Variants in SPOCK1 observed in about 807,000 individuals in gnomAD.
SPOCK1 encodes testican-1.
SPOCK1 carries 23 observed loss-of-function variants against 55.3 expected under a neutral mutation model. The observed-to-expected ratio is 0.42, with a 90% CI of 0.30 to 0.59. The LOEUF is 0.59. Among genes scored for constraint, SPOCK1 ranks in the 20% least tolerant of loss-of-function variants. The pLI is 0.22. For missense variants in SPOCK1, 499 were observed against 552.5 expected (o/e 0.90, Z 0.97); for synonymous variants, 226 against 221.0 (o/e 1.02, Z -0.20).
intron 5 of SPOCK1, among the ~76,000 whole-genome samples, chr5:137,083,788 A>G (rs539676658): frequency 3.0e-4 from 45 of 152,174 alleles, no homozygotes; most frequent in Middle Eastern, 3.4e-3. Flanking sequence ...GGGAATGGGC[A>G]TTCCTAAAGC....
intron 3 of SPOCK1, among the ~76,000 whole-genome samples, chr5:137,266,014 A>G (rs1756842501): frequency 6.6e-6 from 1 of 152,216 alleles, no homozygotes; most frequent in African/African-American, 2.4e-5. Flanking sequence ...AAAGCCTATG[A>G]TAAATGTATA....
chr5:137,403,937 C>A (rs1007006320), intron 2 of SPOCK1, among the ~76,000 whole-genome samples: 4 of 152,110 alleles, frequency 2.6e-5, no homozygotes, highest in Non-Finnish European at 5.9e-5. Context: ...TTTTCAAAGG[C>A]GCAGTCTGAC....
intron 5 of SPOCK1, among the ~76,000 whole-genome samples, chr5:137,084,463 G>A (rs1258906391): frequency 2.0e-5 from 3 of 151,868 alleles, no homozygotes; most frequent in Non-Finnish European, 2.9e-5. Context: ...GCAGAGACTC[G>A]AGCACCAGTG....
chr5:137,272,956 G>A (rs1398147459), intron 2 of SPOCK1, among the ~76,000 whole-genome samples: 1 of 152,148 alleles, frequency 6.6e-6, no homozygotes, highest in Non-Finnish European at 1.5e-5. Flanking sequence ...ACAGGTGGTT[G>A]TATGTTTATA....
At chr5:137,174,168 T>C (rs978437952) in intron 3 of SPOCK1, among the ~76,000 whole-genome samples, 1 of 152,212 alleles carries the variant, frequency 6.6e-6, no homozygotes, top group Non-Finnish European at 1.5e-5. Context: ...GTTTAAGACA[T>C]ATCTAAGACA....
At chr5:137,291,277 A>G (rs879313733) in intron 2 of SPOCK1, among the ~76,000 whole-genome samples, 1 of 152,238 alleles carries the variant, frequency 6.6e-6, no homozygotes, top group Non-Finnish European at 1.5e-5. Flanking sequence ...CAACAGGCTA[A>G]GCAAGCTCTC....
chr5:137,121,313 G>C (rs1753678042), intron 4 of SPOCK1, among the ~76,000 whole-genome samples: 1 of 151,994 alleles, frequency 6.6e-6, no homozygotes, highest in Non-Finnish European at 1.5e-5. Flanking sequence ...AGACATTAAA[G>C]ATCCACAGAC....
At chr5:137,323,321 G>T (rs968327585) in intron 2 of SPOCK1, among the ~76,000 whole-genome samples, 1 of 152,158 alleles carries the variant, frequency 6.6e-6, no homozygotes, top group East Asian at 1.9e-4. Flanking sequence ...AAGTGAAAGG[G>T]TGGAAAAAGA....
intron 5 of SPOCK1, among the ~76,000 whole-genome samples, chr5:137,074,194 A>G (rs1195536946): frequency 1.3e-5 from 2 of 152,234 alleles, no homozygotes; most frequent in African/African-American, 4.8e-5. Flanking sequence ...TAAATTAAAA[A>G]TCGGAAACAA....
At position 137,183,262 on chromosome 5, in the gene SPOCK1, A is replaced by G. The variant is rs182720512; in HGVS notation, c.233-42568T>C. Among the ~76,000 whole-genome samples the G allele has an allele frequency of 1.3e-3, 192 of 152,338 alleles. 1 individual carries two copies. The highest frequency in any genetic ancestry group is 4.1e-3 in the African/African-American group (172 of 41,574). On this transcript the variant is annotated intron_variant, in intron 3 of 10. Transcript: ENST00000394945. ...AGAATGAGCAGGCACTAAGGTCCGC[A>G]CATGGTATGAAGCAACATGCATGGG...
At chr5:137,160,630 A>T (rs866953418) in intron 3 of SPOCK1, among the ~76,000 whole-genome samples, 8 of 91,010 alleles carry the variant, frequency 8.8e-5, no homozygotes, top group South Asian at 5.2e-4. Flanking sequence ...TATTTTATAT[A>T]ATATATAATA....
chr5:137,186,428 T>C (rs1465569592), intron 3 of SPOCK1, among the ~76,000 whole-genome samples: 1 of 152,198 alleles, frequency 6.6e-6, no homozygotes, highest in African/African-American at 2.4e-5. Flanking sequence ...TTGGATTTCA[T>C]CCACTGTCAC....
chr5:137,306,672 T>C (rs7716234), intron 2 of SPOCK1, among the ~76,000 whole-genome samples: 37,350 of 151,318 alleles, frequency 0.25, 4,948 homozygotes, highest in East Asian at 0.39. Context: ...ATTATAAAGC[T>C]GTGTTGGGCA....
At chr5:137,168,225 G>T (rs1394089046) in intron 3 of SPOCK1, among the ~76,000 whole-genome samples, 1 of 151,964 alleles carries the variant, frequency 6.6e-6, no homozygotes, top group Non-Finnish European at 1.5e-5. Context: ...TTGATTAAAG[G>T]CTTAAATCTA....
At chr5:137,211,122 A>C (rs1755606460) in intron 3 of SPOCK1, among the ~76,000 whole-genome samples, 1 of 152,212 alleles carries the variant, frequency 6.6e-6, no homozygotes, top group African/African-American at 2.4e-5. Context: ...GCCCCCATCT[A>C]ATGCTATTTC....
chr5:137,450,164 A>G (rs757609706), intron 2 of SPOCK1, among the ~76,000 whole-genome samples: 1 of 152,096 alleles, frequency 6.6e-6, no homozygotes, highest in Non-Finnish European at 1.5e-5. Context: ...GGGCAAGAAG[A>G]TTGAGGACCT....
intron 3 of SPOCK1, among the ~76,000 whole-genome samples, chr5:137,220,932 C>A (rs1409497488): frequency 6.6e-6 from 1 of 152,108 alleles, no homozygotes; most frequent in Admixed American, 6.6e-5. Flanking sequence ...ACTTTATATC[C>A]ATGTTTTCAA....
intron 3 of SPOCK1, among the ~76,000 whole-genome samples, chr5:137,184,938 C>T (rs931113424): frequency 6.6e-6 from 1 of 152,202 alleles, no homozygotes; most frequent in African/African-American, 2.4e-5. Context: ...TGCCACTCCT[C>T]ACCACACTGT....
chr5:137,492,995 C>A (rs1383978748), intron 2 of SPOCK1, among the ~76,000 whole-genome samples: 3 of 152,256 alleles, frequency 2.0e-5, no homozygotes, highest in Non-Finnish European at 2.9e-5. Flanking sequence ...TGGCATCTCA[C>A]ACCGAATGAA....
Sources: gnomAD v4.1 joint callset for allele counts (sites outside exome capture counted in the v4.1 genomes callset) on GRCh38, gnomAD v4.1.1 for gene constraint, MANE v1.5 for transcripts, NCBI Gene and HGNC (gene_info 2026-07-23, HGNC 2026-07-21) for gene names.